Variants in FANCC observed in about 807,000 individuals in gnomAD.
The protein encoded by FANCC is Fanconi anemia group C protein.
A neutral mutation model predicts 71.3 loss-of-function variants in FANCC; 55 were observed. The observed-to-expected ratio is 0.77, with a 90% CI of 0.62 to 0.97. The LOEUF is 0.97. FANCC is among the 50% of genes least tolerant of loss of function. The probability of loss-of-function intolerance (pLI) is 0.00; values close to 1 mark genes in which losing one functional copy is unlikely to be tolerated. For synonymous variants in FANCC, 275 were observed against 244.9 expected (o/e 1.12, Z -1.15); for missense variants, 678 against 670.9 (o/e 1.01, Z -0.12).
At chr9:95,105,733 A>C (rs1298809075) in intron 14 of FANCC, among the ~76,000 whole-genome samples, 1 of 152,140 alleles carries the variant, frequency 6.6e-6, no homozygotes, top group Non-Finnish European at 1.5e-5. Context: ...GACTCATACA[A>C]CATCCTCGTT....
chr9:95,233,703 T>C (rs1480679225), intron 4 of FANCC, among the ~76,000 whole-genome samples: 1 of 152,222 alleles, frequency 6.6e-6, no homozygotes, highest in African/African-American at 2.4e-5. Flanking sequence ...GTGGATTTTA[T>C]CAAAATTTAT....
At position 95,099,541 on chromosome 9, in the gene FANCC, C is replaced by G. The variant is rs4647560; in HGVS notation, c.*2166G>C. The G allele has an allele frequency of 8.1e-4, 186 of 230,220 alleles. No homozygotes were observed. Among genetic ancestry groups the G allele is most frequent in the African/African-American group, 3.9e-3 (175 of 45,092 alleles). The allele number at this position is 230,220 out of a possible 1,614,324, so 14.3% of individuals were successfully genotyped here. A position where few individuals can be genotyped will look rare whatever the true frequency, so the allele number is the denominator to read the frequency against. On this transcript the variant is annotated 3_prime_UTR_variant, in exon 15 of 15. Transcript: ENST00000289081. ...GGGGAGGTGGGCTTAAGAGTGCCTG[C>G]CCGGCCGCCACCTGTCTTGGAGGTG...
intron 1 of FANCC, among the ~76,000 whole-genome samples, chr9:95,266,998 C>CAG (rs1832419640): frequency 6.6e-6 from 1 of 152,106 alleles, no homozygotes; most frequent in African/African-American, 2.4e-5. Context: ...GAAAAGGATA[C>CAG]AGGCAAGCAC....
At chr9:95,294,164 A>G in intron 1 of FANCC, 4 of 1,604,552 alleles carry the variant, frequency 2.5e-6, no homozygotes, top group East Asian at 4.5e-5. Flanking sequence ...ACATTGGATC[A>G]TCATAGTCTT....
intron 1 of FANCC, among the ~76,000 whole-genome samples, chr9:95,311,463 A>C (rs1387442807): frequency 1.3e-5 from 2 of 152,212 alleles, no homozygotes; most frequent in African/African-American, 4.8e-5. Flanking sequence ...CCAAAATCTT[A>C]TAAAAGAAGC....
chr9:95,170,310 T>C (rs1353348920), intron 6 of FANCC, among the ~76,000 whole-genome samples: 2 of 151,434 alleles, frequency 1.3e-5, no homozygotes, highest in Admixed American at 6.6e-5. Flanking sequence ...CTAATAATTA[T>C]ATAGTTTAAG....
At chr9:95,226,856 C>A (rs1829650598) in intron 4 of FANCC, among the ~76,000 whole-genome samples, 1 of 152,134 alleles carries the variant, frequency 6.6e-6, no homozygotes, top group Non-Finnish European at 1.5e-5. Flanking sequence ...CAAGGTCACA[C>A]CCCCATCCCA....
At position 95,106,584 on chromosome 9, in the gene FANCC, T is replaced by C. The variant is rs536276628; in HGVS notation, c.1533+482A>G. Among the ~76,000 whole-genome samples, 5 of 152,364 alleles carry C rather than the reference T, an allele frequency of 3.3e-5. No homozygotes were observed. In the East Asian group the frequency reaches 9.6e-4, roughly 29 times the overall value. On this transcript the variant is annotated intron_variant, in intron 14 of 14. Transcript: ENST00000289081. ...TGCTCACTTTTGACTTGGACCGTTT[T>C]TTACCCCTCAAGTCAAGTGGGCTTC...
chr9:95,292,474 G>T (rs1456495248), intron 1 of FANCC: 3 of 1,325,648 alleles, frequency 2.3e-6, no homozygotes, highest in Non-Finnish European at 2.9e-6. Flanking sequence ...CGACTGAGGG[G>T]CAGCCGGCCG....
intron 4 of FANCC, among the ~76,000 whole-genome samples, chr9:95,179,163 G>T (rs554338416): frequency 6.6e-6 from 1 of 152,102 alleles, no homozygotes; most frequent in East Asian, 1.9e-4. Flanking sequence ...TTCATCTAAG[G>T]TCAATTTCCC....
chr9:95,117,238 CTGA>C, intron 11 of FANCC, 74 bp downstream of exon 11: 1 of 1,266,618 alleles, frequency 7.9e-7, no homozygotes, highest in Non-Finnish European at 1.2e-6. Flanking sequence ...AGATAAGGGC[CTGA>C]TGAGGAGGTC....
chr9:95,286,462 GATTT>G (rs1833695116), intron 1 of FANCC, among the ~76,000 whole-genome samples: 1 of 152,190 alleles, frequency 6.6e-6, no homozygotes. Flanking sequence ...TGACCGGTAT[GATTT>G]ATTTATCATT....
At chr9:95,245,850 T>C (rs1830934627) in intron 3 of FANCC, among the ~76,000 whole-genome samples, 1 of 150,298 alleles carries the variant, frequency 6.7e-6, no homozygotes, top group Non-Finnish European at 1.5e-5. Context: ...TGAGCCGAGA[T>C]AGTGCCATTG....
chr9:95,271,976 G>A (rs571160507), intron 1 of FANCC, among the ~76,000 whole-genome samples: 34 of 102,942 alleles, frequency 3.3e-4, no homozygotes, highest in Admixed American at 1.3e-3. Flanking sequence ...TCGCTCTGTC[G>A]CCCAGGCTGG....
intron 1 of FANCC, among the ~76,000 whole-genome samples, chr9:95,299,828 T>G (rs1001206414): frequency 6.6e-6 from 1 of 152,148 alleles, no homozygotes; most frequent in African/African-American, 2.4e-5. Flanking sequence ...ATCACTGCAC[T>G]CCAGGCAGGG....
At chr9:95,288,861 G>A (rs1382357090) in intron 1 of FANCC, among the ~76,000 whole-genome samples, 2 of 152,038 alleles carry the variant, frequency 1.3e-5, no homozygotes, top group South Asian at 2.1e-4. Flanking sequence ...TAGGGAGGCT[G>A]AGATGGGAGG....
In FANCC at chr9:95,258,176, C is replaced by T. The variant is rs796806724; in HGVS notation, c.-78-8807G>A. Among the ~76,000 whole-genome samples the T allele has an allele frequency of 5.3e-5, 8 of 152,288 alleles. No individual in the cohort carries two copies. In the South Asian group the frequency reaches 1.2e-3, roughly 24 times the overall value. On this transcript the variant is annotated intron_variant, in intron 1 of 14. Transcript: ENST00000289081. ...AACAATAGAAAAAGAGGGACTCTTC[C>T]CTAACTCATTTTATGAGGTCAGCAT...
At chr9:95,299,966 T>C (rs920609622) in intron 1 of FANCC, among the ~76,000 whole-genome samples, 1 of 152,164 alleles carries the variant, frequency 6.6e-6, no homozygotes, top group Non-Finnish European at 1.5e-5. Context: ...GCAATGTATG[T>C]GTCATGGATG....
In FANCC at chr9:95,101,643, C is replaced by A. The variant is rs2071077812; in HGVS notation, c.*64G>T. ...ACAAATGCGTGGCCACAGGTCATCA[C>A]CTGTCCTGTGGCCCTGGCGAGCCTG... On this transcript the variant is annotated 3_prime_UTR_variant, in exon 15 of 15. Transcript: ENST00000289081. 1.3e-6 allele frequency: 2 copies of A among 1,597,756 alleles called. No homozygotes were observed. Among genetic ancestry groups the A allele is most frequent in the Admixed American group, 3.4e-5 (2 of 59,662 alleles).
Sources: gnomAD v4.1 joint callset for allele counts (sites outside exome capture counted in the v4.1 genomes callset) on GRCh38, gnomAD v4.1.1 for gene constraint, MANE v1.5 for transcripts, NCBI Gene and HGNC (gene_info 2026-07-23, HGNC 2026-07-21) for gene names.